XKR9: variants seen among roughly 807,000 people sequenced by gnomAD.
The protein encoded by XKR9 is XK related 9.
In XKR9, 32 loss-of-function variants were observed where a neutral mutation model predicts 32.0. The ratio of observed to expected loss-of-function variants is 1.00; its 90% CI spans 0.76 to 1.34. The LOEUF is 1.34. XKR9 is among the 40% of genes most tolerant of loss of function. The pLI is 0.00. For missense variants in XKR9, 546 were observed against 429.7 expected (o/e 1.27, Z -2.39); for synonymous variants, 168 against 143.4 (o/e 1.17, Z -1.22).
At chr8:71,001,463 A>G in the XKR9 span, among the ~76,000 whole-genome samples, 2 of 152,100 alleles carry the variant, frequency 1.3e-5, no homozygotes, top group African/African-American at 2.4e-5. Flanking sequence ...GCATTTTGCT[A>G]TGTTGCCTAG....
chr8:70,944,654 A>G, the XKR9 span, among the ~76,000 whole-genome samples: 1 of 152,220 alleles, frequency 6.6e-6, no homozygotes, highest in Non-Finnish European at 1.5e-5. Flanking sequence ...CTCTCTGTAA[A>G]GGAGTGACCA....
chr8:70,960,874 GA>G, the XKR9 span, among the ~76,000 whole-genome samples: 47,825 of 128,308 alleles, frequency 0.37, 8,838 homozygotes, highest in Non-Finnish European at 0.48. Flanking sequence ...CCTGTCTTAA[GA>G]AAAAAAAAAA....
intron 2 of XKR9, among the ~76,000 whole-genome samples, chr8:70,782,849 A>T (rs1252622354): frequency 6.6e-6 from 1 of 152,270 alleles, no homozygotes; most frequent in South Asian, 2.1e-4. Flanking sequence ...ACTTGATTCC[A>T]TAACTTGGCT....
intron 2 of XKR9, among the ~76,000 whole-genome samples, chr8:70,778,602 T>C (rs1291612774): frequency 6.6e-6 from 1 of 152,220 alleles, no homozygotes; most frequent in African/African-American, 2.4e-5. Context: ...CTTCCATTTG[T>C]TTGTGTCCTC....
the XKR9 span, among the ~76,000 whole-genome samples, chr8:70,947,187 G>A: frequency 6.6e-6 from 1 of 152,218 alleles, no homozygotes; most frequent in Admixed American, 6.5e-5. Flanking sequence ...CTGAAGACCT[G>A]AAAATATATC....
At chr8:70,811,468 CA>C in the XKR9 span, among the ~76,000 whole-genome samples, 2 of 152,012 alleles carry the variant, frequency 1.3e-5, no homozygotes, top group South Asian at 2.1e-4. Context: ...AATAGAGACA[CA>C]AAAAACCATT....
intron 1 of XKR9, among the ~76,000 whole-genome samples, chr8:70,673,988 A>G (rs965090728): frequency 6.6e-6 from 1 of 152,118 alleles, no homozygotes; most frequent in Non-Finnish European, 1.5e-5. Context: ...GAGGGTCATA[A>G]CCATGAAGGA....
At chr8:70,987,119 A>G in the XKR9 span, among the ~76,000 whole-genome samples, 1 of 152,298 alleles carries the variant, frequency 6.6e-6, no homozygotes, top group East Asian at 1.9e-4. Context: ...GAATTATGGG[A>G]GTATAATTCA....
the XKR9 span, among the ~76,000 whole-genome samples, chr8:70,897,250 GTGTATGTACCACTTT>G: frequency 6.6e-6 from 1 of 152,090 alleles, no homozygotes; most frequent in Non-Finnish European, 1.5e-5. Context: ...ACTCCATTAT[GTGTATGTACCACTTT>G]TTCTTTATCC....
At chr8:70,999,798 A>G in the XKR9 span, among the ~76,000 whole-genome samples, 1 of 152,232 alleles carries the variant, frequency 6.6e-6, no homozygotes, top group Non-Finnish European at 1.5e-5. Context: ...AGGAAGCACC[A>G]TAACCTAACA....
chr8:70,760,645 A>G (rs1450348764), intron 2 of XKR9, among the ~76,000 whole-genome samples: 1 of 152,146 alleles, frequency 6.6e-6, no homozygotes, highest in African/African-American at 2.4e-5. Flanking sequence ...AGCCATTTTT[A>G]TGTGTATAAT....
At chr8:70,738,861 A>T (rs1449493909), downstream of XKR9, among the ~76,000 whole-genome samples, 3 of 152,056 alleles carry the variant, frequency 2.0e-5, no homozygotes, top group Non-Finnish European at 4.4e-5. Context: ...CTGGTGTTTT[A>T]CATTTGCTGA....
At chr8:71,050,260 TAGATAGATAGATAGATATAGATATAG>T in the XKR9 span, among the ~76,000 whole-genome samples, 4 of 107,960 alleles carry the variant, frequency 3.7e-5, no homozygotes, top group African/African-American at 7.0e-5. Context: ...TATATATATA[TAGATAGATAGATAGATATAGATATAG>T]ATATAGATAT....
the XKR9 span, among the ~76,000 whole-genome samples, chr8:70,845,975 A>C: frequency 6.6e-6 from 1 of 152,162 alleles, no homozygotes; most frequent in Non-Finnish European, 1.5e-5. Context: ...GATACAACCC[A>C]AAAAGGCCTT....
chr8:70,934,406 T>C, the XKR9 span, among the ~76,000 whole-genome samples: 1 of 151,992 alleles, frequency 6.6e-6, no homozygotes, highest in African/African-American at 2.4e-5. Flanking sequence ...TTTTGGAAAA[T>C]ATGAAGAAAA....
At chr8:70,708,929 C>A (rs1221947348) in intron 4 of XKR9, among the ~76,000 whole-genome samples, 2 of 152,034 alleles carry the variant, frequency 1.3e-5, no homozygotes, top group Non-Finnish European at 2.9e-5. Context: ...AGGCAGGAAT[C>A]TTCCCTAATT....
chr8:70,970,277 CA>C, the XKR9 span, among the ~76,000 whole-genome samples: 1 of 152,140 alleles, frequency 6.6e-6, no homozygotes, highest in East Asian at 1.9e-4. Context: ...ATTGCTGGAT[CA>C]AATGGTAGAT....
intron 2 of XKR9, among the ~76,000 whole-genome samples, chr8:70,748,498 C>T (rs1029786388): frequency 6.6e-6 from 1 of 152,192 alleles, no homozygotes; most frequent in Non-Finnish European, 1.5e-5. Flanking sequence ...ACATGCCAGC[C>T]CCCTGCAACC....
the XKR9 span, among the ~76,000 whole-genome samples, chr8:70,814,097 G>A: frequency 6.6e-6 from 1 of 152,162 alleles, no homozygotes; most frequent in Non-Finnish European, 1.5e-5. Context: ...TATACACCAT[G>A]GAATACTATG....
Sources: allele counts gnomAD v4.1 joint callset (sites outside exome capture counted in the v4.1 genomes callset), GRCh38; gene constraint gnomAD v4.1.1; transcripts MANE v1.5; gene names NCBI Gene and HGNC (gene_info 2026-07-23, HGNC 2026-07-21).